Variants in CDH13 observed in about 807,000 individuals in gnomAD.
CDH13 encodes the protein cadherin 13, also known as cadherin-13.
A neutral mutation model predicts 63.8 loss-of-function variants in CDH13; 24 were observed. The observed-to-expected ratio is 0.38, with a 90% CI of 0.27 to 0.53. CDH13 has a LOEUF of 0.53. Among genes scored for constraint, CDH13 ranks in the 20% least tolerant of loss-of-function variants. The pLI is 0.85. For synonymous variants in CDH13, 503 were observed against 355.3 expected, an observed-to-expected ratio of 1.42 and a Z score of -4.67; for missense variants, 1,049 against 903.1, an observed-to-expected ratio of 1.16 and a Z score of -2.07.
At chr16:82,929,749 C>T (rs4485359) in intron 2 of CDH13, among the ~76,000 whole-genome samples, 1 of 145,616 alleles carries the variant, frequency 6.9e-6, no homozygotes, top group Non-Finnish European at 1.5e-5. Context: ...GTGCCTTGAT[C>T]TTGTACTTCC....
intron 5 of CDH13, among the ~76,000 whole-genome samples, chr16:83,314,462 C>T (rs1029684427): frequency 1.3e-5 from 2 of 152,074 alleles, no homozygotes; most frequent in African/African-American, 4.8e-5. Flanking sequence ...GGACAGAGCA[C>T]CCTCTGTGAT....
chr16:82,967,719 C>T (rs1908067838), intron 2 of CDH13, among the ~76,000 whole-genome samples: 1 of 152,214 alleles, frequency 6.6e-6, no homozygotes, highest in African/African-American at 2.4e-5. Context: ...GCAAGAACCT[C>T]ATGGCAGTAT....
At chr16:82,790,793 C>T (rs779034448) in intron 1 of CDH13, among the ~76,000 whole-genome samples, 15 of 152,118 alleles carry the variant, frequency 9.9e-5, no homozygotes, top group South Asian at 2.1e-4. Flanking sequence ...CTTATAAAAC[C>T]ATCAGATCTT....
At chr16:82,858,169 C>A (rs946105775) in intron 1 of CDH13, among the ~76,000 whole-genome samples, 193 bp from the exon 2 acceptor site, 27 of 152,306 alleles carry the variant, frequency 1.8e-4, no homozygotes, top group African/African-American at 6.0e-4. Context: ...AGCAGCTGTT[C>A]CATTTGCGTA....
chr16:83,781,562 G>T (rs901198810), intron 12 of CDH13, among the ~76,000 whole-genome samples: 2 of 151,718 alleles, frequency 1.3e-5, no homozygotes, highest in African/African-American at 4.8e-5. Context: ...AGTGCCTTTT[G>T]CTTGTTATTG....
intron 2 of CDH13, among the ~76,000 whole-genome samples, chr16:82,947,225 T>A (rs980364601): frequency 1.3e-5 from 2 of 152,174 alleles, no homozygotes. Context: ...GGATGTCAAA[T>A]GCATCAGTTG....
chr16:83,031,491 G>A (rs980290977), intron 2 of CDH13, among the ~76,000 whole-genome samples: 10 of 141,324 alleles, frequency 7.1e-5, no homozygotes, highest in Non-Finnish European at 9.2e-5. Context: ...TATGCACATC[G>A]TTAATTCTCA....
intron 3 of CDH13, among the ~76,000 whole-genome samples, chr16:83,078,109 C>G (rs2032980244): frequency 6.6e-6 from 1 of 152,192 alleles, no homozygotes; most frequent in African/African-American, 2.4e-5. Context: ...TACCTGGAGA[C>G]TGCTCACGCG....
chr16:83,674,421 C>T (rs569136379), intron 9 of CDH13, among the ~76,000 whole-genome samples: 5 of 152,340 alleles, frequency 3.3e-5, no homozygotes, highest in African/African-American at 1.2e-4. Flanking sequence ...TTATGAGACC[C>T]TCTCCTCTTA....
intron 9 of CDH13, among the ~76,000 whole-genome samples, chr16:83,675,701 G>C (rs1472556500): frequency 6.6e-6 from 1 of 152,228 alleles, no homozygotes; most frequent in Non-Finnish European, 1.5e-5. Flanking sequence ...GGGAGGCAGT[G>C]ACTTGCTGGT....
At chr16:83,371,004 G>A (rs2091356330) in intron 6 of CDH13, among the ~76,000 whole-genome samples, 1 of 152,144 alleles carries the variant, frequency 6.6e-6, no homozygotes. Context: ...ACACCAGTCA[G>A]AATGGCTATT....
chr16:83,506,954 A>T (rs912780950), intron 7 of CDH13, among the ~76,000 whole-genome samples: 3 of 152,236 alleles, frequency 2.0e-5, no homozygotes, highest in Non-Finnish European at 4.4e-5. Flanking sequence ...AGCAGCTTCC[A>T]TATCTCCAAG....
chr16:82,870,019 C>T, intron 2 of CDH13, among the ~76,000 whole-genome samples: 1 of 151,934 alleles, frequency 6.6e-6, no homozygotes, highest in East Asian at 1.9e-4. Flanking sequence ...GCAAAGGAAA[C>T]AATCAAAATC....
intron 1 of CDH13, among the ~76,000 whole-genome samples, chr16:82,732,288 G>A (rs906230793): frequency 3.3e-5 from 5 of 152,064 alleles, no homozygotes; most frequent in Admixed American, 2.6e-4. Context: ...AAATAGGTCT[G>A]TATTTAAAAG....
chr16:83,426,569 T>A lies in CDH13; in HGVS notation c.782-59908T>A, dbSNP rs376850878. On this transcript the variant is annotated intron_variant, in intron 6 of 13. Transcript: ENST00000567109. ...CTCATGTGGTTACCTTTTTGCCAGT[T>A]TTCCAGCCTCCTGGACTGAACAGTC... Among the ~76,000 whole-genome samples, 38 of 151,684 alleles carry A rather than the reference T, an allele frequency of 2.5e-4. No individual in the cohort carries two copies. In the South Asian group the frequency reaches 7.9e-3, roughly 32 times the overall value.
chr16:82,859,885 C>G (rs1045490457), intron 2 of CDH13, among the ~76,000 whole-genome samples: 1 of 152,134 alleles, frequency 6.6e-6, no homozygotes, highest in Non-Finnish European at 1.5e-5. Flanking sequence ...TGAAATGACG[C>G]CAATGAAATC....
At chr16:83,503,310 T>C (rs555093359) in intron 7 of CDH13, among the ~76,000 whole-genome samples, 21 of 152,320 alleles carry the variant, frequency 1.4e-4, no homozygotes, top group African/African-American at 4.8e-4. Context: ...TGAAGCTGAT[T>C]AGGAAAGCCT....
intron 4 of CDH13, among the ~76,000 whole-genome samples, chr16:83,148,406 G>T (rs530060279): frequency 1.3e-5 from 2 of 152,340 alleles, no homozygotes; most frequent in African/African-American, 4.8e-5. Context: ...TTTGCTGGAA[G>T]AACTAAGACG....
chr16:83,401,935 C>T (rs761662209), intron 6 of CDH13, among the ~76,000 whole-genome samples: 1 of 152,108 alleles, frequency 6.6e-6, no homozygotes, highest in South Asian at 2.1e-4. Flanking sequence ...TCTGGAGACC[C>T]CTCCAGAGCT....
Sources: gnomAD v4.1 joint callset for allele counts (sites outside exome capture counted in the v4.1 genomes callset) on GRCh38, gnomAD v4.1.1 for gene constraint, MANE v1.5 for transcripts, NCBI Gene and HGNC (gene_info 2026-07-23, HGNC 2026-07-21) for gene names.